Variants in CYP2C8 observed in about 807,000 individuals in gnomAD.
The protein encoded by CYP2C8 is cytochrome P450 2C8.
A neutral mutation model predicts 41.3 loss-of-function variants in CYP2C8; 51 were observed. The ratio of observed to expected loss-of-function variants is 1.24; its 90% CI spans 0.99 to 1.56. CYP2C8 has a LOEUF of 1.56. CYP2C8 is among the 40% of genes most tolerant of loss of function. CYP2C8 has a pLI of 0.00. For synonymous variants in CYP2C8, 218 were observed against 205.8 expected (o/e 1.06, Z -0.51); for missense variants, 651 against 579.9 (o/e 1.12, Z -1.26).
intron 5 of CYP2C8, among the ~76,000 whole-genome samples, chr10:95,047,284 T>A (rs1472712540): frequency 6.6e-6 from 1 of 152,330 alleles, no homozygotes; most frequent in East Asian, 1.9e-4. Context: ...GCCTAACACA[T>A]TCATTTTTAT....
rs1165949768 is a variant in CYP2C8 at position 95,069,230 on chromosome 10, C to T, written c.168+5G>A. The T allele has an allele frequency of 1.2e-6, 2 of 1,614,118 alleles. No individual in the cohort carries two copies. The highest frequency in any genetic ancestry group is 2.2e-5 in the East Asian group (1 of 44,880). On this transcript the variant is annotated splice_donor_5th_base_variant and intron_variant, in intron 1 of 8. Transcript: ENST00000371270. The stretch of plus-strand genomic sequence containing the variant: ...ATTGGCTGGAGGAACATAAGGCAGA[C>T]TTACATTGGTGAAAGATTTGCAGAT...
At chr10:95,058,253 A>G (rs1351655075) in intron 5 of CYP2C8, 82 bp downstream of exon 5, 2 of 1,590,272 alleles carry the variant, frequency 1.3e-6, no homozygotes, top group Non-Finnish European at 1.7e-6. Context: ...TCATTTAAAC[A>G]TCCTTAGTAA....
intron 4 of CYP2C8, among the ~76,000 whole-genome samples, chr10:95,060,320 G>C (rs1418145978): frequency 6.6e-6 from 1 of 152,040 alleles, no homozygotes; most frequent in Non-Finnish European, 1.5e-5. Flanking sequence ...TTATTTTGTT[G>C]AGCAGTTGTT....
intron 4 of CYP2C8, 138 bp from the exon 5 acceptor site, chr10:95,058,649 CATTTT>C: frequency 3.9e-6 from 3 of 769,684 alleles, no homozygotes; most frequent in Non-Finnish European, 6.2e-6. Context: ...TACATATATA[CATTTT>C]TTATTACACT....
intron 4 of CYP2C8, among the ~76,000 whole-genome samples, chr10:95,063,036 G>A (rs2033473455): frequency 6.6e-6 from 1 of 152,150 alleles, no homozygotes; most frequent in Non-Finnish European, 1.5e-5. Context: ...TTCCCTTTGT[G>A]GGTAACCCGC....
intron 1 of CYP2C8, among the ~76,000 whole-genome samples, chr10:95,068,352 C>A (rs993626081): frequency 1.3e-5 from 2 of 152,234 alleles, no homozygotes; most frequent in Admixed American, 6.5e-5. Context: ...TCTCCAGCAA[C>A]CTTGGCCACA....
chr10:95,045,543 C>T (rs763429751), intron 6 of CYP2C8, among the ~76,000 whole-genome samples: 12 of 152,300 alleles, frequency 7.9e-5, no homozygotes, highest in Middle Eastern at 3.4e-3. Context: ...CTCTCCTTAC[C>T]ACAAATTACC....
intron 4 of CYP2C8, among the ~76,000 whole-genome samples, chr10:95,062,474 T>C (rs931701556): frequency 5.9e-5 from 9 of 152,172 alleles, no homozygotes; most frequent in Admixed American, 5.2e-4. Context: ...CCTGCCTTTT[T>C]TTGTTTTCCA....
At position 95,045,857 on chromosome 10, in the gene CYP2C8, G is replaced by A; in HGVS notation, c.914C>T (p.Thr305Ile). The change falls in exon 6 of 9, where the codon ACT (threonine) becomes ATT (isoleucine). Residue 305 changes from threonine to isoleucine, a missense_variant. Physicochemically the swap from Thr to Ile is moderately conservative, Grantham distance 89. Transcript: ENST00000371270. ...FVAGTETTSTTLRYGLLLLLK... is the reference protein window; with the variant it reads ...FVAGTETTSTILRYGLLLLLK... ...CAGGAGCAGGAGTCCATATCTCAGAGTGGTGCTTGTTGTCTCTGTTCCAGC... is the reference window on the plus strand; with the variant it reads ...CAGGAGCAGGAGTCCATATCTCAGAATGGTGCTTGTTGTCTCTGTTCCAGC... The A allele has an allele frequency of 6.2e-7, 1 of 1,614,066 alleles. No homozygotes were observed. Among genetic ancestry groups the A allele is most frequent in the Non-Finnish European group, 8.5e-7 (1 of 1,179,928 alleles).
chr10:95,068,660 A>T, intron 1 of CYP2C8: 1 of 1,258,090 alleles, frequency 7.9e-7, no homozygotes, highest in Admixed American at 2.3e-5. Flanking sequence ...CAGCACTTTA[A>T]ACTTTTGCCA....
chr10:95,067,624 C>T lies in CYP2C8; in HGVS notation c.236G>A (p.Gly79Glu). The stretch of plus-strand genomic sequence containing the variant: ...CAGGGCTTCCTTCACTGCCTCATAT[C>T]CATGAAACACCACTATGGGATTCAT... ...FGMNPIVVFH[G>E]YEAVKEALID... is the part of the protein sequence containing the mutation. The change falls in exon 2 of 9, where the codon GGA (glycine) becomes GAA (glutamate). Residue 79 changes from glycine (G) to glutamate (E), a missense_variant. Coordinates refer to ENST00000371270, the MANE Select transcript of CYP2C8 (RefSeq NM_000770.3). 6.2e-7 allele frequency: 1 copy of T among 1,614,098 alleles called. No homozygotes were observed.
rs1440834945 is a variant in CYP2C8, at chr10:95,067,431, G to A, written c.332-74C>T. 7 of 1,612,190 alleles carry A rather than the reference G, an allele frequency of 4.3e-6. No homozygotes were observed. The Admixed American group carries it at 5.0e-5, about 12-fold the overall frequency. On this transcript the variant is annotated intron_variant, in intron 2 of 8. Coordinates refer to ENST00000371270, the MANE Select transcript of CYP2C8 (RefSeq NM_000770.3). The stretch of plus-strand genomic sequence containing the variant: ...AAGTGCTGCAACACTTGGCAGCCAT[G>A]CAGATAGGCTAAGCTCTGCTGAGAA...
chr10:95,066,145 A>T (rs1438821786), intron 3 of CYP2C8, among the ~76,000 whole-genome samples: 3,366 of 114,212 alleles, frequency 0.029, 145 homozygotes, highest in African/African-American at 0.12. Context: ...AGAGAGAGAG[A>T]GAGAGAGAGT....
At chr10:95,062,210 T>C (rs1208655505) in intron 4 of CYP2C8, among the ~76,000 whole-genome samples, 2 of 152,176 alleles carry the variant, frequency 1.3e-5, no homozygotes, top group African/African-American at 4.8e-5. Flanking sequence ...ACTTTCTGTC[T>C]CGTTGATCTG....
At chr10:95,049,947 G>T (rs11572130) in intron 5 of CYP2C8, among the ~76,000 whole-genome samples, 1 of 136,776 alleles carries the variant, frequency 7.3e-6, no homozygotes, top group Non-Finnish European at 1.6e-5. Context: ...ACCGGCTTCA[G>T]GTAAGACTCA....
At chr10:95,052,776 G>A (rs966643874) in intron 5 of CYP2C8, among the ~76,000 whole-genome samples, 1 of 151,980 alleles carries the variant, frequency 6.6e-6, no homozygotes, top group East Asian at 1.9e-4. Context: ...AAAAAACAGG[G>A]TATAGAAGGA....
intron 5 of CYP2C8, among the ~76,000 whole-genome samples, chr10:95,057,880 T>C (rs897550285): frequency 6.6e-6 from 1 of 152,146 alleles, no homozygotes; most frequent in Admixed American, 6.6e-5. Flanking sequence ...CACAAACTAC[T>C]CATTCCATCT....
At chr10:95,053,769 G>A (rs1041114806) in intron 5 of CYP2C8, among the ~76,000 whole-genome samples, 3 of 151,954 alleles carry the variant, frequency 2.0e-5, no homozygotes, top group South Asian at 2.1e-4. Context: ...CTGTTGGGGG[G>A]TGGGGAGCAA....
Position 95,037,188 on chromosome 10 carries a change from T to C in CYP2C8, c.1413A>G (p.Ala471=), listed in dbSNP as rs2032901026. ...VDDLKNLNTT[A]VTKGIVSLPP... is the part of the protein sequence containing the mutation. ...GCAGAGAAACAATCCCTTTGGTAACTGCAGTAGTATTGAGGTTCTTTAAAT... is the reference window on the plus strand; with the variant it reads ...GCAGAGAAACAATCCCTTTGGTAACCGCAGTAGTATTGAGGTTCTTTAAAT... Residue 471 remains alanine (A), a synonymous_variant, in exon 9 of 9, where the codon GCA becomes GCG. Coordinates refer to ENST00000371270, the MANE Select transcript of CYP2C8 (RefSeq NM_000770.3). The C allele has an allele frequency of 6.2e-7, 1 of 1,613,942 alleles. No individual in the cohort carries two copies. The highest frequency in any genetic ancestry group is 2.2e-5 in the East Asian group (1 of 44,878).
Sources: allele counts gnomAD v4.1 joint callset (sites outside exome capture counted in the v4.1 genomes callset), GRCh38; gene constraint gnomAD v4.1.1; transcripts MANE v1.5; gene names NCBI Gene and HGNC (gene_info 2026-07-23, HGNC 2026-07-21).